Variants in SLC7A11 observed in about 807,000 individuals in gnomAD.
The protein encoded by SLC7A11 is cystine/glutamate transporter.
SLC7A11 carries 35 observed loss-of-function variants against 54.5 expected under a neutral mutation model. That is an observed-to-expected ratio of 0.64 (90% confidence interval 0.49 to 0.85). The LOEUF (loss-of-function observed/expected upper bound fraction) is 0.85, where lower values mean the gene tolerates loss of function less well. Ranked by LOEUF, SLC7A11 falls within the 40% of genes least tolerant of loss-of-function variation. The probability of loss-of-function intolerance (pLI) is 0.00; values close to 1 mark genes in which losing one functional copy is unlikely to be tolerated. For synonymous variants in SLC7A11, 230 were observed against 225.2 expected (o/e 1.02, Z -0.19); for missense variants, 583 against 618.1 (o/e 0.94, Z 0.60).
At chr4:138,222,151 T>C (rs1737829155) in intron 4 of SLC7A11, among the ~76,000 whole-genome samples, 1 of 152,220 alleles carries the variant, frequency 6.6e-6, no homozygotes, top group South Asian at 2.1e-4. Flanking sequence ...CATAAAAGCA[T>C]TTCCGCCAGC....
chr4:138,181,093 A>G (rs1736730388), intron 9 of SLC7A11, among the ~76,000 whole-genome samples: 1 of 152,114 alleles, frequency 6.6e-6, no homozygotes, highest in Non-Finnish European at 1.5e-5. Context: ...TATGTCTTCA[A>G]AGAGTAAAAG....
At chr4:138,189,340 C>T (rs1027423273) in intron 6 of SLC7A11, among the ~76,000 whole-genome samples, 15 of 152,136 alleles carry the variant, frequency 9.9e-5, no homozygotes, top group East Asian at 3.9e-4. Flanking sequence ...TTACAACAAC[C>T]CATGGAAACA....
intron 6 of SLC7A11, among the ~76,000 whole-genome samples, chr4:138,205,040 T>C (rs901352464): frequency 2.6e-5 from 4 of 152,062 alleles, no homozygotes; most frequent in Non-Finnish European, 5.9e-5. Flanking sequence ...TGTATATTAC[T>C]TGCAGAGCTC....
rs1376719337 is a variant in SLC7A11, at chr4:138,201,951, GA to G, written c.791+12633del. 2.6e-5 allele frequency among the ~76,000 whole-genome samples: 4 copies of G among 152,064 alleles called. No individual in the cohort carries two copies. The South Asian group carries it at 8.3e-4, about 31-fold the overall frequency. ...CTTTCTTTATGTATGCAGCATATTAGAAATATATAAATGCAATCCTAACTAA... is the reference window on the plus strand; with the variant it reads ...CTTTCTTTATGTATGCAGCATATTAGAATATATAAATGCAATCCTAACTAA... On this transcript the variant is annotated intron_variant, in intron 6 of 11. Transcript: ENST00000280612.
intron 6 of SLC7A11, among the ~76,000 whole-genome samples, chr4:138,205,924 C>A (rs1737394578): frequency 6.6e-6 from 1 of 151,924 alleles, no homozygotes. Context: ...CTATTGCAGT[C>A]AAAATATTTG....
intron 6 of SLC7A11, among the ~76,000 whole-genome samples, chr4:138,192,990 T>G (rs187967405): frequency 8.4e-4 from 128 of 152,278 alleles, no homozygotes; most frequent in Non-Finnish European, 1.4e-3. Flanking sequence ...TGTTTTGGCA[T>G]GGTAAATGGG....
intron 6 of SLC7A11, among the ~76,000 whole-genome samples, chr4:138,186,791 G>A (rs544436444): frequency 2.0e-5 from 3 of 152,280 alleles, no homozygotes; most frequent in Non-Finnish European, 4.4e-5. Context: ...AAATGCAAAA[G>A]GGTAAGAAGG....
rs1026904922 is a variant in SLC7A11 at position 138,169,895 on chromosome 4, C to T, written c.*2061G>A. The T allele has an allele frequency of 2.0e-5, 3 of 151,812 alleles. No homozygotes were observed. Among genetic ancestry groups the T allele is most frequent in the African/African-American group, 4.8e-5 (2 of 41,346 alleles). 9.4% of individuals were successfully genotyped at this position (151,812 alleles called of 1,614,324 possible). A position where few individuals can be genotyped will look rare whatever the true frequency, so the allele number is the denominator to read the frequency against. ...TTATAAATTCACTCAGAGACCCAAA[C>T]GTTAGGTTCAGCTAAAGAAATGTCA... On this transcript the variant is annotated 3_prime_UTR_variant, in exon 12 of 12. Coordinates refer to ENST00000280612, the MANE Select transcript of SLC7A11 (RefSeq NM_014331.4).
intron 2 of SLC7A11, among the ~76,000 whole-genome samples, chr4:138,234,523 C>A (rs1171307222): frequency 6.6e-6 from 1 of 151,818 alleles, no homozygotes; most frequent in Admixed American, 6.6e-5. Context: ...TACAAAGGTA[C>A]TTTCCTCTGT....
At chr4:138,214,672 C>T (rs1203077473) in intron 5 of SLC7A11, 43 bp from the exon 6 acceptor site, 3 of 726,226 alleles carry the variant, frequency 4.1e-6, no homozygotes, top group Non-Finnish European at 6.2e-6. Flanking sequence ...ATATATTTTA[C>T]CATTATCCAA....
intron 6 of SLC7A11, among the ~76,000 whole-genome samples, chr4:138,211,441 G>T (rs1289738804): frequency 6.6e-6 from 1 of 151,986 alleles, no homozygotes; most frequent in African/African-American, 2.4e-5. Context: ...TAGTGGGAAT[G>T]TAAATTAGTA....
intron 5 of SLC7A11, among the ~76,000 whole-genome samples, chr4:138,217,890 C>T (rs1205296093): frequency 6.6e-6 from 1 of 152,206 alleles, no homozygotes; most frequent in Admixed American, 6.5e-5. Flanking sequence ...TGATGTCTAG[C>T]ACCACATTGT....
chr4:138,220,148 C>T (rs1463296313), intron 4 of SLC7A11, among the ~76,000 whole-genome samples: 1 of 152,036 alleles, frequency 6.6e-6, no homozygotes, highest in African/African-American at 2.4e-5. Flanking sequence ...CCATGTTGGC[C>T]AGGCTGGTCT....
chr4:138,219,555 C>T (rs1484340457), intron 4 of SLC7A11, among the ~76,000 whole-genome samples, 190 bp from the exon 5 acceptor site: 1 of 152,138 alleles, frequency 6.6e-6, no homozygotes, highest in Non-Finnish European at 1.5e-5. Context: ...TGATCATTAA[C>T]ACTATTTCAT....
At chr4:138,205,166 G>A (rs1560728764) in intron 6 of SLC7A11, among the ~76,000 whole-genome samples, 1 of 151,916 alleles carries the variant, frequency 6.6e-6, no homozygotes, top group East Asian at 1.9e-4. Flanking sequence ...CAATTTAGAG[G>A]TCTCTCCAAG....
In SLC7A11 at chr4:138,167,710, T is replaced by C. The variant is rs1168107563; in HGVS notation, c.*4246A>G. On this transcript the variant is annotated 3_prime_UTR_variant, in exon 12 of 12. Transcript: ENST00000280612. Reference sequence around the variant, plus strand: ...TTGTTATACAATGCCATATTTTAATTCCTGACTGAATGGTTAGGAAAGCAA... The same window carrying C: ...TTGTTATACAATGCCATATTTTAATCCCTGACTGAATGGTTAGGAAAGCAA... 1 of 152,178 alleles carries C rather than the reference T, an allele frequency of 6.6e-6. No individual in the cohort carries two copies. Among genetic ancestry groups the C allele is most frequent in the Non-Finnish European group, 1.5e-5 (1 of 68,024 alleles). 9.4% of individuals were successfully genotyped at this position (152,178 alleles called of 1,614,324 possible). A position where few individuals can be genotyped will look rare whatever the true frequency, so the allele number is the denominator to read the frequency against.
At chr4:138,214,026 C>T (rs924370010) in intron 6 of SLC7A11, among the ~76,000 whole-genome samples, 5 of 152,064 alleles carry the variant, frequency 3.3e-5, no homozygotes, top group Middle Eastern at 3.4e-3. Flanking sequence ...TTACATAAAT[C>T]ATCATCAAAT....
intron 2 of SLC7A11, among the ~76,000 whole-genome samples, chr4:138,234,715 G>A (rs1256905587): frequency 6.6e-6 from 1 of 152,090 alleles, no homozygotes; most frequent in Non-Finnish European, 1.5e-5. Context: ...TTTTATCTGT[G>A]CTACTGTAAG....
rs919500045 is a variant in SLC7A11 at position 138,168,447 on chromosome 4, T to C, written c.*3509A>G. The C allele has an allele frequency of 6.6e-6, 1 of 152,176 alleles. No homozygotes were observed. The allele number at this position is 152,176 out of a possible 1,614,324, so 9.4% of individuals were successfully genotyped here. On this transcript the variant is annotated 3_prime_UTR_variant, in exon 12 of 12. Coordinates refer to ENST00000280612, the MANE Select transcript of SLC7A11 (RefSeq NM_014331.4). ...AGATCAACTTTAACAAAGGTCAGAG[T>C]TGCTCCCTTTCTTAGCAGTATATTC...
Sources: gnomAD v4.1 joint callset for allele counts (sites outside exome capture counted in the v4.1 genomes callset) on GRCh38, gnomAD v4.1.1 for gene constraint, MANE v1.5 for transcripts, NCBI Gene and HGNC (gene_info 2026-07-23, HGNC 2026-07-21) for gene names.